The following CLPB variants were observed in gnomAD, a reference collection of about 807,000 sequenced individuals.
CLPB encodes the protein ClpB family mitochondrial disaggregase.
A neutral mutation model predicts 78.4 loss-of-function variants in CLPB; 40 were observed. The observed-to-expected ratio is 0.51, with a 90% CI of 0.40 to 0.66. The LOEUF is 0.66. Among genes scored for constraint, CLPB ranks in the 30% least tolerant of loss-of-function variants. CLPB has a pLI of 0.00. For missense variants in CLPB, 780 were observed against 886.9 expected, an observed-to-expected ratio of 0.88 and a Z score of 1.53; for synonymous variants, 333 against 348.0, an observed-to-expected ratio of 0.96 and a Z score of 0.48.
intron 3 of CLPB, among the ~76,000 whole-genome samples, chr11:72,381,229 G>A (rs776330068): frequency 9.9e-5 from 15 of 152,114 alleles, no homozygotes; most frequent in Non-Finnish European, 1.6e-4. Flanking sequence ...ATACACTCAT[G>A]GGGGAAGGAG....
At chr11:72,308,179 G>T (rs1372734673) in intron 8 of CLPB, among the ~76,000 whole-genome samples, 1 of 152,250 alleles carries the variant, frequency 6.6e-6, no homozygotes, top group African/African-American at 2.4e-5. Context: ...CATGGTTGAT[G>T]TGCTGGGCAG....
chr11:72,308,205 T>C (rs2135512140), intron 8 of CLPB, among the ~76,000 whole-genome samples: 1 of 152,342 alleles, frequency 6.6e-6, no homozygotes, highest in South Asian at 2.1e-4. Context: ...GTGGTTCAAC[T>C]GTTCCCGAAG....
intron 2 of CLPB, chr11:72,408,126 T>C (rs1209135838): frequency 1.3e-6 from 2 of 1,535,358 alleles, no homozygotes; most frequent in Non-Finnish European, 1.7e-6. Flanking sequence ...GAGGAAATCT[T>C]GGTGTTCTTC....
chr11:72,293,406 C>A lies in CLPB; in HGVS notation c.1995G>T (p.Arg665=), dbSNP rs894319387. 1.9e-6 allele frequency: 3 copies of A among 1,613,996 alleles called. No homozygotes were observed. Among genetic ancestry groups the A allele is most frequent in the Non-Finnish European group, 2.5e-6 (3 of 1,180,016 alleles). ...ACACCTTCTCAGGGTGCAGTGGTGC[C>A]CGGATGTCCAGTCTGCGAGTCTTGC... The part of the protein sequence containing the change: ...KDSKTRRLDI[R]APLHPEKVCN... The change falls in exon 16 of 16, where the codon CGG becomes CGT. Residue 665 remains arginine, a synonymous_variant. Coordinates refer to ENST00000538039, the MANE Select transcript of CLPB (RefSeq NM_001258392.3).
rs1555083616 is a variant in CLPB at position 72,286,223 on chromosome 11, G to GTTTTTTTTTTTGTTT, written c.*7143_*7144insAAACAAAAAAAAAAA. 1 of 60,450 alleles carries GTTTTTTTTTTTGTTT rather than the reference G, an allele frequency of 1.7e-5. No homozygotes were observed. Among genetic ancestry groups the GTTTTTTTTTTTGTTT allele is most frequent in the East Asian group, 4.4e-4 (1 of 2,266 alleles). 3.7% of individuals were successfully genotyped at this position (60,450 alleles called of 1,614,324 possible). A position where few individuals can be genotyped will look rare whatever the true frequency, so the allele number is the denominator to read the frequency against. Reference sequence around the variant, plus strand: ...ATTACAGGTGTGAGATACTGCACCTGTTTTTTTTTTTTTTTTTTTTTTTAA... The same window carrying GTTTTTTTTTTTGTTT: ...ATTACAGGTGTGAGATACTGCACCTGTTTTTTTTTTTGTTTTTTTTTTTTTTTTTTTTTTTTTTAA... On this transcript the variant is annotated 3_prime_UTR_variant, in exon 16 of 16. Coordinates refer to ENST00000538039, the MANE Select transcript of CLPB (RefSeq NM_001258392.3).
rs187846751 is a variant in CLPB, at chr11:72,307,183, A to G, written c.1122+16T>C. The G allele has an allele frequency of 1.9e-3, 3,087 of 1,612,732 alleles. 3 individuals are homozygous for G. Among genetic ancestry groups the G allele is most frequent in the Middle Eastern group, 4.0e-3 (24 of 6,054 alleles). On this transcript the variant is annotated intron_variant, in intron 9 of 15. Transcript: ENST00000538039. ...TCTCCACGATCTGCAGATCAGACCT[A>G]GGTCCCAGTTCTTACCTTTTTAGCA...
chr11:72,388,804 C>T (rs1855161536), intron 3 of CLPB, among the ~76,000 whole-genome samples: 1 of 152,174 alleles, frequency 6.6e-6, no homozygotes, highest in Non-Finnish European at 1.5e-5. Flanking sequence ...TCACCACTAG[C>T]TTTGATCACC....
intron 6 of CLPB, among the ~76,000 whole-genome samples, chr11:72,329,489 T>C (rs532515051): frequency 5.9e-5 from 9 of 152,282 alleles, no homozygotes; most frequent in African/African-American, 1.9e-4. Flanking sequence ...CTGGTCATGA[T>C]AGGGGCAGCT....
At chr11:72,430,793 A>G (rs1487197803) in intron 1 of CLPB, among the ~76,000 whole-genome samples, 1 of 152,168 alleles carries the variant, frequency 6.6e-6, no homozygotes, top group Non-Finnish European at 1.5e-5. Flanking sequence ...TCAAGTCATA[A>G]ACCCAAAAGG....
chr11:72,429,248 A>G (rs1590939827), intron 2 of CLPB: 1 of 152,234 alleles, frequency 6.6e-6, no homozygotes, highest in South Asian at 2.1e-4. Flanking sequence ...TGGCTACAAA[A>G]CAACTCCCAG....
intron 2 of CLPB, among the ~76,000 whole-genome samples, chr11:72,429,574 C>T (rs1394579428): frequency 6.6e-6 from 1 of 152,150 alleles, no homozygotes; most frequent in Non-Finnish European, 1.5e-5. Context: ...CCAAGAGAGG[C>T]CAAGGTTAGG....
chr11:72,398,706 C>A (rs1381664570), intron 3 of CLPB, among the ~76,000 whole-genome samples: 1 of 152,188 alleles, frequency 6.6e-6, no homozygotes, highest in Admixed American at 6.5e-5. Context: ...AATGAGACAC[C>A]CAGACTCAGG....
At chr11:72,421,222 G>A (rs1856188461) in intron 2 of CLPB, among the ~76,000 whole-genome samples, 1 of 152,102 alleles carries the variant, frequency 6.6e-6, no homozygotes, top group Admixed American at 6.5e-5. Flanking sequence ...ATGGCAGGTG[G>A]GGTTCCCTCT....
At position 72,301,665 on chromosome 11, in the gene CLPB, T is replaced by C. The variant is rs1353080872; in HGVS notation, c.1329+138A>G. The C allele has an allele frequency of 3.1e-6, 3 of 955,634 alleles. No individual in the cohort carries two copies. In the African/African-American group the frequency reaches 4.9e-5, roughly 16 times the overall value. The allele number at this position is 955,634 out of a possible 1,614,324, so 59.2% of individuals were successfully genotyped here. A position where few individuals can be genotyped will look rare whatever the true frequency, so the allele number is the denominator to read the frequency against. On this transcript the variant is annotated intron_variant, in intron 11 of 15. Coordinates refer to ENST00000538039, the MANE Select transcript of CLPB (RefSeq NM_001258392.3). ...TGCAGAGGGGCTAAGTTGCACCTAC[T>C]GGATGAATGAATGTACACATGCGGG...
chr11:72,332,077 G>GT (rs1029045945), intron 5 of CLPB, among the ~76,000 whole-genome samples: 4 of 151,790 alleles, frequency 2.6e-5, no homozygotes, highest in Middle Eastern at 3.2e-3. Context: ...AAAAAACTAA[G>GT]TTTTTTTTAC....
At chr11:72,354,058 G>A (rs77058558) in intron 5 of CLPB, among the ~76,000 whole-genome samples, 15,536 of 151,866 alleles carry the variant, frequency 0.1, 985 homozygotes, top group East Asian at 0.23. Flanking sequence ...GGTAGGTGGC[G>A]CCACCCCCAT....
chr11:72,361,019 C>T (rs888781750), intron 4 of CLPB, among the ~76,000 whole-genome samples: 2 of 152,152 alleles, frequency 1.3e-5, no homozygotes, highest in Non-Finnish European at 2.9e-5. Flanking sequence ...TTATTCCATC[C>T]TGTTTTCCTG....
At position 72,295,361 on chromosome 11, in the gene CLPB, T is replaced by C. The variant is rs1949531634; in HGVS notation, c.1486+131A>G. 5.6e-6 allele frequency: 5 copies of C among 889,312 alleles called. No homozygotes were observed. In the African/African-American group the frequency reaches 6.8e-5, roughly 12 times the overall value. 55.1% of individuals were successfully genotyped at this position (889,312 alleles called of 1,614,324 possible). A position where few individuals can be genotyped will look rare whatever the true frequency, so the allele number is the denominator to read the frequency against. The stretch of plus-strand genomic sequence containing the variant: ...ACTTGGTATGGTGTCTGATATCTGC[T>C]CAGTGTCAGCTAGGGACAGAGCTGC... On this transcript the variant is annotated intron_variant, in intron 12 of 15. Transcript: ENST00000538039.
rs964419254 is a variant in CLPB, at chr11:72,312,586, T to C, written c.989-3982A>G. On this transcript the variant is annotated intron_variant, in intron 7 of 15. Coordinates refer to ENST00000538039, the MANE Select transcript of CLPB (RefSeq NM_001258392.3). This position sits in a 1 kb window ranked among gnomAD's most constrained non-coding sequence, Gnocchi z 4.2. ...AATGAATTATTGGTCTTTCTCAAATTGCAAGGGAGAAAGAACAGGTACTTC... is the reference window on the plus strand; with the variant it reads ...AATGAATTATTGGTCTTTCTCAAATCGCAAGGGAGAAAGAACAGGTACTTC... 1.3e-5 allele frequency among the ~76,000 whole-genome samples: 2 copies of C among 152,000 alleles called. No homozygotes were observed. Among genetic ancestry groups the C allele is most frequent in the Non-Finnish European group, 2.9e-5 (2 of 68,008 alleles).
Sources: gnomAD v4.1 joint callset for allele counts (sites outside exome capture counted in the v4.1 genomes callset) on GRCh38, gnomAD v4.1.1 for gene constraint, Gnocchi (gnomAD v3.1) non-coding constraint, MANE v1.5 for transcripts, NCBI Gene and HGNC (gene_info 2026-07-23, HGNC 2026-07-21) for gene names.